Variants in APP observed in about 807,000 individuals in gnomAD.
APP encodes the protein amyloid beta precursor protein.
A neutral mutation model predicts 101.4 loss-of-function variants in APP; 31 were observed. That is an observed-to-expected ratio of 0.31 (90% CI 0.23 to 0.41). APP has a LOEUF of 0.41. Among genes scored for constraint, APP ranks in the 10% least tolerant of loss-of-function variants. The pLI is 1.00. For synonymous variants in APP, 366 were observed against 364.4 expected (o/e 1.00, Z -0.05); for missense variants, 839 against 1,003.7 (o/e 0.84, Z 2.22).
intron 9 of APP, among the ~76,000 whole-genome samples, chr21:25,977,276 T>TATG (rs1263144647): frequency 6.6e-6 from 1 of 152,210 alleles, no homozygotes; most frequent in African/African-American, 2.4e-5. Flanking sequence ...TTTTCAAGTG[T>TATG]ATGACAAGTA....
chr21:26,040,069 C>G (rs1203191916), intron 5 of APP, among the ~76,000 whole-genome samples: 1 of 151,944 alleles, frequency 6.6e-6, no homozygotes, highest in Non-Finnish European at 1.5e-5. Context: ...ACATAAAATT[C>G]ATTTATGTTT....
intron 16 of APP, among the ~76,000 whole-genome samples, chr21:25,894,069 G>T (rs1020065668): frequency 6.6e-6 from 1 of 152,078 alleles, no homozygotes; most frequent in Non-Finnish European, 1.5e-5. Flanking sequence ...AACAAAACTG[G>T]GATGACAGCA....
At chr21:25,954,017 G>T (rs1381967617) in intron 13 of APP, among the ~76,000 whole-genome samples, 2 of 152,184 alleles carry the variant, frequency 1.3e-5, no homozygotes, top group Non-Finnish European at 2.9e-5. Flanking sequence ...TTTAAACAAT[G>T]ATGTGGTTCA....
chr21:25,967,022 G>A (rs1364257669), intron 11 of APP, among the ~76,000 whole-genome samples: 4 of 152,064 alleles, frequency 2.6e-5, no homozygotes, highest in South Asian at 2.1e-4. Flanking sequence ...AAATAGCCTT[G>A]AGCAAAATCT....
rs560083371 is a variant in APP at position 26,052,410 on chromosome 21, A to T, written c.468+826T>A. ...TCAAAATTGACTCAAGTGAAGCACT[A>T]TGAGCTAGATAAAGGAGCCTAATTC... On this transcript the variant is annotated intron_variant, in intron 4 of 17. Coordinates refer to ENST00000346798, the MANE Select transcript of APP (RefSeq NM_000484.4). Among the ~76,000 whole-genome samples the T allele has an allele frequency of 9.2e-5, 14 of 152,360 alleles. No individual in the cohort carries two copies. The East Asian group carries it at 2.7e-3, about 29-fold the overall frequency.
At chr21:25,891,597 G>GCAT in intron 17 of APP, 125 bp downstream of exon 17, 1 of 936,886 alleles carries the variant, frequency 1.1e-6, no homozygotes, top group Non-Finnish European at 1.7e-6. Context: ...TGTAACCCAA[G>GCAT]CATCATGGAA....
intron 5 of APP, among the ~76,000 whole-genome samples, chr21:26,037,275 A>AT: frequency 6.6e-6 from 1 of 152,286 alleles, no homozygotes; most frequent in Admixed American, 6.5e-5. Context: ...TTACAGCTAG[A>AT]TAAGAGGAAT....
At chr21:26,142,342 C>T (rs1029391352) in intron 1 of APP, among the ~76,000 whole-genome samples, 2 of 152,168 alleles carry the variant, frequency 1.3e-5, no homozygotes, top group Non-Finnish European at 2.9e-5. Context: ...AAGAATGTTG[C>T]TGCTGGCTCA....
intron 1 of APP, among the ~76,000 whole-genome samples, chr21:26,113,104 A>C (rs2062363829): frequency 6.6e-6 from 1 of 152,220 alleles, no homozygotes; most frequent in South Asian, 2.1e-4. Context: ...TATCCACAGG[A>C]GTAAAGGTGT....
intron 1 of APP, among the ~76,000 whole-genome samples, chr21:26,113,218 T>G (rs1290238986): frequency 4.6e-5 from 7 of 152,154 alleles, no homozygotes. Flanking sequence ...AAGAATTAAC[T>G]TCCAGCAGAA....
At chr21:26,002,354 CAAT>C (rs892813402) in intron 6 of APP, among the ~76,000 whole-genome samples, 1 of 151,798 alleles carries the variant, frequency 6.6e-6, no homozygotes, top group African/African-American at 2.4e-5. Flanking sequence ...GGAAGTAAAA[CAAT>C]AGTTAGTCCC....
At chr21:26,084,227 ATTTTTTTTTTTTTTT>A (rs869179482) in intron 3 of APP, among the ~76,000 whole-genome samples, 1,915 of 83,138 alleles carry the variant, frequency 0.023, 62 homozygotes, top group African/African-American at 0.091. Flanking sequence ...GAAGGGCTCC[ATTTTTTTTTTTTTTT>A]TTTTTTTTTT....
At chr21:26,065,149 C>T (rs576064365) in intron 3 of APP, among the ~76,000 whole-genome samples, 110 of 152,286 alleles carry the variant, frequency 7.2e-4, no homozygotes, top group African/African-American at 2.5e-3. Context: ...CCACCCCGCC[C>T]GGCCCACTCC....
intron 5 of APP, among the ~76,000 whole-genome samples, chr21:26,045,642 T>C (rs2045575176): frequency 6.6e-6 from 1 of 152,212 alleles, no homozygotes; most frequent in Non-Finnish European, 1.5e-5. Flanking sequence ...TGTATCTAGA[T>C]AGTCAATGGT....
At chr21:26,048,860 A>T (rs1428454066) in intron 5 of APP, among the ~76,000 whole-genome samples, 1 of 152,206 alleles carries the variant, frequency 6.6e-6, no homozygotes, top group Non-Finnish European at 1.5e-5. Flanking sequence ...AAATATCTTT[A>T]TCATACATTA....
intron 13 of APP, among the ~76,000 whole-genome samples, chr21:25,929,365 C>A (rs1458832346): frequency 6.6e-6 from 1 of 151,926 alleles, no homozygotes; most frequent in Non-Finnish European, 1.5e-5. Context: ...ACAATTCTAA[C>A]AGCAGAAATA....
chr21:26,079,183 G>C (rs769541341), intron 3 of APP, among the ~76,000 whole-genome samples: 1 of 152,078 alleles, frequency 6.6e-6, no homozygotes, highest in African/African-American at 2.4e-5. Flanking sequence ...GGGACTGATG[G>C]AAACACAGTG....
intron 3 of APP, among the ~76,000 whole-genome samples, chr21:26,089,107 CACAATCTCCACAG>C (rs953699310): frequency 6.6e-6 from 1 of 152,064 alleles, no homozygotes; most frequent in Admixed American, 6.6e-5. Flanking sequence ...AATATTTGTC[CACAATCTCCACAG>C]ACAATCTCTA....
intron 1 of APP, among the ~76,000 whole-genome samples, chr21:26,164,369 T>C (rs1294905015): frequency 6.6e-6 from 1 of 152,250 alleles, no homozygotes; most frequent in South Asian, 2.1e-4. Flanking sequence ...CAAGCTTCCA[T>C]ATTAGGACCA....
Sources: allele counts gnomAD v4.1 joint callset (sites outside exome capture counted in the v4.1 genomes callset), GRCh38; gene constraint gnomAD v4.1.1; transcripts MANE v1.5; gene names NCBI Gene and HGNC (gene_info 2026-07-23, HGNC 2026-07-21).